Variants in AQP5 observed in about 807,000 individuals in gnomAD.
AQP5 encodes aquaporin 5.
In AQP5, 15 loss-of-function variants were observed where a neutral mutation model predicts 19.1. That is an observed-to-expected ratio of 0.79 (90% CI 0.53 to 1.21). The LOEUF is 1.21. Ranked by LOEUF, AQP5 falls within the 50% of genes most tolerant of loss-of-function variation. The pLI, the probability that AQP5 is intolerant of heterozygous loss-of-function variation, is 0.00. For synonymous variants in AQP5, 182 were observed against 160.3 expected, an observed-to-expected ratio of 1.14 and a Z score of -1.02; for missense variants, 355 against 357.1, an observed-to-expected ratio of 0.99 and a Z score of 0.05.
rs773915473 is a variant in AQP5, at chr12:49,965,199, C to T, written c.*22C>T. 82 of 1,574,800 alleles carry T rather than the reference C, an allele frequency of 5.2e-5. No homozygotes were observed. Among genetic ancestry groups the T allele is most frequent in the Non-Finnish European group, 7.1e-5 (82 of 1,162,342 alleles). ...CTGACCAGTGTCAGGCAGGGGCCAG[C>T]CCCTCAGCCCCTGAGCCAAGGGGGA... On this transcript the variant is annotated 3_prime_UTR_variant, in exon 4 of 4. Transcript: ENST00000293599.
In AQP5 at chr12:49,963,499, A is replaced by T; in HGVS notation, c.371A>T (p.Asn124Ile). ...CCCGCTATCCCCTTGCAGCTCAACA[A>T]CAACACAACGCAGGGCCAGGCCATG... is the stretch of plus-strand genomic sequence containing the variant. The part of the protein sequence containing the change: ...RGNLAVNALN[N>I]NTTQGQAMVV... The change falls in exon 2 of 4, where the codon AAC (asparagine) becomes ATC (isoleucine). Residue 124 changes from asparagine to isoleucine, a missense_variant. Coordinates refer to ENST00000293599, the MANE Select transcript of AQP5 (RefSeq NM_001651.4). 1 of 1,613,766 alleles carries T rather than the reference A, an allele frequency of 6.2e-7. No homozygotes were observed. The highest frequency in any genetic ancestry group is 8.5e-7 in the Non-Finnish European group (1 of 1,179,972).
intron 1 of AQP5, 85 bp from the exon 2 acceptor site, chr12:49,963,407 C>T (rs1947450468): frequency 2.6e-6 from 4 of 1,552,554 alleles, no homozygotes; most frequent in East Asian, 2.3e-5. Context: ...TCTAAGTGTC[C>T]CTGGAGGCCA....
rs398123054 is a variant in AQP5, at chr12:49,962,130, C to T, written c.113C>T (p.Ala38Val). The T allele has an allele frequency of 3.7e-6, 6 of 1,613,150 alleles. No individual in the cohort carries two copies. The highest frequency in any genetic ancestry group is 2.2e-5 in the East Asian group (1 of 44,872). ...GLGSALKWPS[A>V]LPTILQIALA... is the part of the protein sequence containing the mutation. ...GGCTCGGCCCTCAAGTGGCCGTCGGCGCTGCCTACCATCCTGCAGATCGCG... is the reference window on the plus strand; with the variant it reads ...GGCTCGGCCCTCAAGTGGCCGTCGGTGCTGCCTACCATCCTGCAGATCGCG... Residue 38 changes from alanine to valine, a missense_variant, in exon 1 of 4, where the codon GCG becomes GTG. Physicochemically the swap from Ala to Val is moderately conservative, Grantham distance 64 (BLOSUM62 0). Transcript: ENST00000293599.
At chr12:49,964,967 C>G (rs1277153641) in intron 3 of AQP5, 25 bp from the exon 4 acceptor site, 6 of 1,603,136 alleles carry the variant, frequency 3.7e-6, no homozygotes, top group Non-Finnish European at 5.1e-6. Flanking sequence ...GCTCAGCGCC[C>G]TGACTCCTGC....
rs772197950 is a variant in AQP5, at chr12:49,965,082, C to T, written c.703C>T (p.Arg235Cys). 8 of 1,613,914 alleles carry T rather than the reference C, an allele frequency of 5.0e-6. No homozygotes were observed. In the Admixed American group the frequency reaches 5.0e-5, roughly 10 times the overall value. Residue 235 changes from arginine to cysteine, a missense_variant, in exon 4 of 4, where the codon CGT becomes TGT. Arg to Cys is a radical substitution (Grantham distance 180). Transcript: ENST00000293599. ...LFPNSLSLSE[R>C]VAIIKGTYEP... ...CCCCAACTCCCTGAGCCTGAGTGAG[C>T]GTGTGGCCATCATCAAAGGCACGTA...
In AQP5 at chr12:49,963,631, C is replaced by A. The variant is rs578029378; in HGVS notation, c.503C>A (p.Ser168Tyr). 2 of 1,613,716 alleles carry A rather than the reference C, an allele frequency of 1.2e-6. No homozygotes were observed. The highest frequency in any genetic ancestry group is 2.2e-5 in the South Asian group (2 of 91,086). ...VGSPALSIGLSVTLGHLVGIY... is the reference protein window; with the variant it reads ...VGSPALSIGLYVTLGHLVGIY... The stretch of plus-strand genomic sequence containing the variant: ...TCCCCAGCCCTGTCCATTGGCCTGT[C>A]TGTCACCCTGGGCCACCTTGTCGGA... Residue 168 changes from serine (S) to tyrosine (Y), a missense_variant, in exon 2 of 4, where the codon TCT becomes TAT. Ser to Tyr is a moderately radical substitution (Grantham distance 144). Transcript: ENST00000293599.
Position 49,962,248 on chromosome 12 carries a change from G to A in AQP5, c.231G>A (p.Leu77=). The A allele has an allele frequency of 6.2e-7, 1 of 1,606,676 alleles. No homozygotes were observed. Among genetic ancestry groups the A allele is most frequent in the Non-Finnish European group, 8.5e-7 (1 of 1,179,868 alleles). ...ACCCCGCCATCACCCTGGCCCTCTTGGTGGGCAACCAGATCTCGCTGCTCC... is the reference window on the plus strand; with the variant it reads ...ACCCCGCCATCACCCTGGCCCTCTTAGTGGGCAACCAGATCTCGCTGCTCC... The part of the protein sequence containing the change: ...HINPAITLAL[L]VGNQISLLRA... The change falls in exon 1 of 4, where the codon TTG becomes TTA. Residue 77 remains leucine (L), a synonymous_variant. Transcript: ENST00000293599.
At chr12:49,962,752 G>T (rs1947444073) in intron 1 of AQP5, 2 of 207,786 alleles carry the variant, frequency 9.6e-6, no homozygotes. Flanking sequence ...AGAAAAGCGG[G>T]CTGTCATCAC....
intron 3 of AQP5, chr12:49,964,591 C>A: frequency 3.3e-6 from 3 of 921,326 alleles, no homozygotes; most frequent in South Asian, 1.0e-4. Context: ...AGTCTGTCTG[C>A]CCCCCCTTTG....
At chr12:49,964,736 G>T in intron 3 of AQP5, 2 of 985,394 alleles carry the variant, frequency 2.0e-6, no homozygotes, top group Non-Finnish European at 2.4e-6. Context: ...GGTGTGGTTG[G>T]AGGGAGCCTG....
rs1269540453 is a variant in AQP5, at chr12:49,964,998, T to C, written c.619T>C (p.Trp207Arg). The change falls in exon 4 of 4, where the codon TGG (tryptophan) becomes CGG (arginine). Residue 207 changes from tryptophan (W) to arginine (R), a missense_variant. Coordinates refer to ENST00000293599, the MANE Select transcript of AQP5 (RefSeq NM_001651.4). ...CCTGCCCTGTCTCCACCAGGTTTTC[T>C]GGGTAGGGCCCATCGTGGGGGCGGT... ...NRFSPAHWVF[W>R]VGPIVGAVLA... The C allele has an allele frequency of 2.5e-6, 4 of 1,612,214 alleles. No homozygotes were observed. The highest frequency in any genetic ancestry group is 3.4e-6 in the Non-Finnish European group (4 of 1,179,116).
chr12:49,964,837 C>G, intron 3 of AQP5, 155 bp from the exon 4 acceptor site: 1 of 985,244 alleles, frequency 1.0e-6, no homozygotes, highest in Non-Finnish European at 1.2e-6. Flanking sequence ...GTATATTCGT[C>G]CCCGAGGTGG....
In AQP5 at chr12:49,965,520, G is replaced by T; in HGVS notation, c.*343G>T. 1 of 192,632 alleles carries T rather than the reference G, an allele frequency of 5.2e-6. No homozygotes were observed. The highest frequency in any genetic ancestry group is 1.1e-5 in the Non-Finnish European group (1 of 94,466). 11.9% of individuals were successfully genotyped at this position (192,632 alleles called of 1,614,324 possible). On this transcript the variant is annotated 3_prime_UTR_variant, in exon 4 of 4. Transcript: ENST00000293599. ...CCAACCCTTCCTCAAGAGCTGAAGG[G>T]ATCCCAGCCCCTAGGTGGGCAGAGG...
chr12:49,964,762 G>C (rs946616346), intron 3 of AQP5: 1 of 985,224 alleles, frequency 1.0e-6, no homozygotes, highest in African/African-American at 1.7e-5. Flanking sequence ...CTGGGAATCT[G>C]TTTGCCTTCT....
Position 49,964,595 on chromosome 12 carries a change from C to CA in AQP5, c.613-397_613-396insA, listed in dbSNP as rs200605392. 8 of 965,996 alleles carry CA rather than the reference C, an allele frequency of 8.3e-6. No individual in the cohort carries two copies. The African/African-American group carries it at 1.4e-4, about 17-fold the overall frequency. 59.8% of individuals were successfully genotyped at this position (965,996 alleles called of 1,614,324 possible). On this transcript the variant is annotated intron_variant, in intron 3 of 3. Coordinates refer to ENST00000293599, the MANE Select transcript of AQP5 (RefSeq NM_001651.4). ...TCCCTGTGGACAGTCTGTCTGCCCC[C>CA]CCTTTGGAAGCTCATGGTCACTCTC...
intron 1 of AQP5, 25 bp downstream of exon 1, chr12:49,962,405 G>C: frequency 2.1e-6 from 3 of 1,422,788 alleles, no homozygotes; most frequent in African/African-American, 1.6e-5. Context: ...GGGGGGGTGG[G>C]AGCCTCGACC....
At chr12:49,964,375 G>A (rs1048114309) in intron 3 of AQP5, among the ~76,000 whole-genome samples, 200 bp downstream of exon 3, 3 of 152,160 alleles carry the variant, frequency 2.0e-5, no homozygotes, top group African/African-American at 4.8e-5. Flanking sequence ...GGCCTGAACC[G>A]CTGGGGACAG....
At chr12:49,962,422 T>G (rs1592821082) in intron 1 of AQP5, 42 bp downstream of exon 1, 7 of 1,402,528 alleles carry the variant, frequency 5.0e-6, no homozygotes, top group African/African-American at 4.6e-5. Context: ...GACCCTGGGG[T>G]GGGCTCAGGA....
chr12:49,963,295 C>T (rs1947449644), intron 1 of AQP5, among the ~76,000 whole-genome samples, 197 bp from the exon 2 acceptor site: 1 of 152,252 alleles, frequency 6.6e-6, no homozygotes, highest in African/African-American at 2.4e-5. Flanking sequence ...GGCCACAGGC[C>T]TGAGCTTCAA....
Sources: allele counts gnomAD v4.1 joint callset (sites outside exome capture counted in the v4.1 genomes callset), GRCh38; gene constraint gnomAD v4.1.1; transcripts MANE v1.5; gene names NCBI Gene and HGNC (gene_info 2026-07-23, HGNC 2026-07-21).